Variants in LHX4 observed in about 807,000 individuals in gnomAD.
LHX4 encodes LIM homeobox 4, also known as LIM/homeobox protein Lhx4.
In LHX4, 16 loss-of-function variants were observed where a neutral mutation model predicts 39.2. The ratio of observed to expected loss-of-function variants is 0.41; its 90% CI spans 0.28 to 0.62. The LOEUF is 0.62. Ranked by LOEUF, LHX4 falls within the 20% of genes least tolerant of loss-of-function variation. The pLI is 0.33. For synonymous variants in LHX4, 206 were observed against 198.1 expected, an observed-to-expected ratio of 1.04 and a Z score of -0.33; for missense variants, 439 against 511.9, an observed-to-expected ratio of 0.86 and a Z score of 1.37.
Position 180,274,711 on chromosome 1 carries a change from C to A in LHX4, c.*132C>A. The A allele has an allele frequency of 9.0e-7, 1 of 1,111,378 alleles. No homozygotes were observed. Among genetic ancestry groups the A allele is most frequent in the Non-Finnish European group, 1.3e-6 (1 of 789,030 alleles). The allele number at this position is 1,111,378 out of a possible 1,614,324, so 68.8% of individuals were successfully genotyped here. On this transcript the variant is annotated 3_prime_UTR_variant, in exon 6 of 6. Coordinates refer to ENST00000263726, the MANE Select transcript of LHX4 (RefSeq NM_033343.4). ...CATTATTTTCAATGGAAGTCCTCCG[C>A]TGATTCCTAGAAGGCTGTGAGACCA...
intron 1 of LHX4, among the ~76,000 whole-genome samples, chr1:180,244,726 GGGAGGTGCAA>G (rs1279074632): frequency 1.6e-4 from 25 of 152,330 alleles, no homozygotes; most frequent in African/African-American, 4.6e-4. Context: ...CAGGAGCCAA[GGGAGGTGCAA>G]GGAGTTGGGC....
chr1:180,269,634 T>A (rs1648508285), intron 3 of LHX4: 1 of 152,184 alleles, frequency 6.6e-6, no homozygotes, highest in South Asian at 2.1e-4. Context: ...AATTAAGTGA[T>A]TCTCGAGAAA....
chr1:180,260,879 G>A (rs1004214241), intron 2 of LHX4, among the ~76,000 whole-genome samples: 6 of 151,764 alleles, frequency 4.0e-5, no homozygotes, highest in Non-Finnish European at 8.8e-5. Context: ...TGCAAACCCC[G>A]GTTCTCTCGC....
chr1:180,231,390 G>A (rs754202277), intron 1 of LHX4, among the ~76,000 whole-genome samples: 12 of 151,912 alleles, frequency 7.9e-5, no homozygotes, highest in Non-Finnish European at 1.5e-4. Flanking sequence ...CGAAATTAGC[G>A]AGACAGCCGG....
intron 1 of LHX4, among the ~76,000 whole-genome samples, chr1:180,235,032 G>A (rs1664280188): frequency 1.3e-5 from 2 of 152,246 alleles, no homozygotes; most frequent in Non-Finnish European, 2.9e-5. Context: ...CGTGCTCTGG[G>A]TTTTGGGGGA....
intron 1 of LHX4, 67 bp from the exon 2 acceptor site, chr1:180,248,218 A>G (rs1647462102): frequency 6.4e-7 from 1 of 1,551,716 alleles, no homozygotes; most frequent in East Asian, 2.3e-5. Flanking sequence ...GGCACCCGCC[A>G]GGGCCTGGCC....
chr1:180,248,979 T>A (rs1647493938), intron 2 of LHX4, among the ~76,000 whole-genome samples: 1 of 152,206 alleles, frequency 6.6e-6, no homozygotes, highest in Admixed American at 6.5e-5. Context: ...GCTCGGTCAA[T>A]GTCGTCACTT....
At chr1:180,249,540 C>A (rs1647514718) in intron 2 of LHX4, among the ~76,000 whole-genome samples, 1 of 152,178 alleles carries the variant, frequency 6.6e-6, no homozygotes, top group Non-Finnish European at 1.5e-5. Context: ...TCGCCAAAGG[C>A]TGAACACACC....
At position 180,271,862 on chromosome 1, in the gene LHX4, G is replaced by A; in HGVS notation, c.634G>A (p.Glu212Lys). ...TTGGTTTCAGAACAGAAGGGCCAAAGAGAAACGCCTGAAGAAGGATGCAGG... is the reference window on the plus strand; with the variant it reads ...TTGGTTTCAGAACAGAAGGGCCAAAAAGAAACGCCTGAAGAAGGATGCAGG... ...QVWFQNRRAK[E>K]KRLKKDAGRH... Residue 212 changes from glutamate to lysine, a missense_variant, in exon 5 of 6, where the codon GAG becomes AAG. Coordinates refer to ENST00000263726, the MANE Select transcript of LHX4 (RefSeq NM_033343.4). The A allele has an allele frequency of 6.2e-7, 1 of 1,613,850 alleles. No homozygotes were observed. The highest frequency in any genetic ancestry group is 8.5e-7 in the Non-Finnish European group (1 of 1,180,004).
At chr1:180,258,608 C>T (rs903644362) in intron 2 of LHX4, among the ~76,000 whole-genome samples, 4 of 152,052 alleles carry the variant, frequency 2.6e-5, no homozygotes, top group South Asian at 2.1e-4. Context: ...CTAGGGAAGG[C>T]GGTGTGGGTG....
At chr1:180,273,965 G>T in intron 5 of LHX4, 1 of 587,610 alleles carries the variant, frequency 1.7e-6, no homozygotes, top group Non-Finnish European at 3.0e-6. Context: ...TCTGGGACCT[G>T]GGAATTTAGT....
chr1:180,253,204 C>G (rs1260348880), intron 2 of LHX4, among the ~76,000 whole-genome samples: 3 of 152,188 alleles, frequency 2.0e-5, no homozygotes, highest in Non-Finnish European at 4.4e-5. Flanking sequence ...CAGGTCCTAT[C>G]CAGACCATGT....
intron 2 of LHX4, among the ~76,000 whole-genome samples, chr1:180,255,518 G>C (rs543775362): frequency 6.6e-6 from 1 of 152,186 alleles, no homozygotes; most frequent in Non-Finnish European, 1.5e-5. Context: ...TAATTTCCTC[G>C]CTAAGCAAAT....
intron 1 of LHX4, among the ~76,000 whole-genome samples, chr1:180,243,646 A>C (rs181283047): frequency 2.1e-4 from 32 of 152,228 alleles, no homozygotes; most frequent in African/African-American, 7.5e-4. Context: ...ATCAACAGGC[A>C]GACACCTTGT....
Position 180,232,334 on chromosome 1 carries a change from C to A in LHX4, c.76+1729C>A, listed in dbSNP as rs1320755498. Among the ~76,000 whole-genome samples the A allele has an allele frequency of 6.6e-6, 1 of 152,298 alleles. No individual in the cohort carries two copies. Among genetic ancestry groups the A allele is most frequent in the East Asian group, 1.9e-4 (1 of 5,172 alleles). On this transcript the variant is annotated intron_variant, in intron 1 of 5. Transcript: ENST00000263726. The surrounding 1 kb of genome is among the most constrained non-coding windows in gnomAD (Gnocchi z 5.4). ...GGACGATGGTCTCTGCTCTGACGGCCTTTCTTGTGATGAGTGACACTCTGA... is the reference window on the plus strand; with the variant it reads ...GGACGATGGTCTCTGCTCTGACGGCATTTCTTGTGATGAGTGACACTCTGA...
At chr1:180,229,140 A>G (rs1362398144), upstream of LHX4, among the ~76,000 whole-genome samples, 1 of 152,242 alleles carries the variant, frequency 6.6e-6, no homozygotes, top group African/African-American at 2.4e-5. Flanking sequence ...CTGTCCATGC[A>G]TCTCGTAAAT....
At position 180,272,020 on chromosome 1, in the gene LHX4, G is replaced by A. The variant is rs3806302; in HGVS notation, c.778+14G>A. Reference sequence around the variant, plus strand: ...TGAGCTTCCGAGGTGAGCAGGGCTGGAGGGGCCAGGCCGAGGCCTTAGGAA... The same window carrying A: ...TGAGCTTCCGAGGTGAGCAGGGCTGAAGGGGCCAGGCCGAGGCCTTAGGAA... On this transcript the variant is annotated intron_variant, in intron 5 of 5. Coordinates refer to ENST00000263726, the MANE Select transcript of LHX4 (RefSeq NM_033343.4). The A allele has an allele frequency of 6.2e-7, 1 of 1,608,910 alleles. No homozygotes were observed. The highest frequency in any genetic ancestry group is 8.5e-7 in the Non-Finnish European group (1 of 1,178,038).
Position 180,274,412 on chromosome 1 carries a change from A to G in LHX4, c.1006A>G (p.Ser336Gly). ...CAATGGGCTGGATTACACGGTGGAC[A>G]GTAATTTGGGCATCATTGCGCATGC... ...LLNGLDYTVDSNLGIIAHAGQ... is the reference protein window; with the variant it reads ...LLNGLDYTVDGNLGIIAHAGQ... Residue 336 changes from serine to glycine, a missense_variant, in exon 6 of 6, where the codon AGT becomes GGT. Ser to Gly is a moderately conservative substitution (Grantham distance 56). Coordinates refer to ENST00000263726, the MANE Select transcript of LHX4 (RefSeq NM_033343.4). The G allele has an allele frequency of 6.2e-7, 1 of 1,614,220 alleles. No individual in the cohort carries two copies. The highest frequency in any genetic ancestry group is 1.7e-5 in the Admixed American group (1 of 60,028).
chr1:180,254,153 G>C (rs1647746368), intron 2 of LHX4, among the ~76,000 whole-genome samples: 1 of 152,186 alleles, frequency 6.6e-6, no homozygotes, highest in African/African-American at 2.4e-5. Context: ...CTGCCCGTCA[G>C]GGGGCGTGGA....
Sources: allele counts gnomAD v4.1 joint callset (sites outside exome capture counted in the v4.1 genomes callset), GRCh38; gene constraint gnomAD v4.1.1; non-coding constraint Gnocchi (gnomAD v3.1); transcripts MANE v1.5; gene names NCBI Gene and HGNC (gene_info 2026-07-23, HGNC 2026-07-21).